Variants in FOXP1 observed in about 807,000 individuals in gnomAD.
FOXP1 encodes forkhead box P1.
A neutral mutation model predicts 98.2 loss-of-function variants in FOXP1; 15 were observed. The observed-to-expected ratio is 0.15, with a 90% confidence interval of 0.10 to 0.24. The LOEUF is 0.24. Among genes scored for constraint, FOXP1 ranks in the 10% least tolerant of loss-of-function variants. The pLI is 1.00. For missense variants in FOXP1, 633 were observed against 848.5 expected (o/e 0.75, Z 3.15); for synonymous variants, 371 against 314.5 (o/e 1.18, Z -1.90).
intron 3 of FOXP1, among the ~76,000 whole-genome samples, chr3:71,419,410 C>T (rs2083462257): frequency 6.6e-6 from 1 of 151,574 alleles, no homozygotes; most frequent in Admixed American, 6.6e-5. Context: ...TTCCCAATAA[C>T]AGCCTCTAAT....
chr3:71,231,293 C>T (rs946163346), intron 5 of FOXP1, among the ~76,000 whole-genome samples: 2 of 152,132 alleles, frequency 1.3e-5, no homozygotes, highest in African/African-American at 4.8e-5. Flanking sequence ...ATAGCACCTG[C>T]AAACATGCTT....
intron 14 of FOXP1, among the ~76,000 whole-genome samples, chr3:70,984,469 AGT>A (rs1360172925): frequency 2.0e-5 from 3 of 152,202 alleles, no homozygotes; most frequent in African/African-American, 7.2e-5. Context: ...ATTCACGGAA[AGT>A]GAGACTGTGT....
intron 6 of FOXP1, among the ~76,000 whole-genome samples, chr3:71,136,165 T>C (rs1010303491): frequency 1.6e-4 from 25 of 152,236 alleles, no homozygotes; most frequent in African/African-American, 4.8e-4. Flanking sequence ...TAAATGCACC[T>C]TTGAAGGTTT....
Position 71,293,876 on chromosome 3 carries a change from C to T in FOXP1, c.-12+5944G>A, listed in dbSNP as rs558611059. 2.6e-5 allele frequency among the ~76,000 whole-genome samples: 4 copies of T among 152,294 alleles called. No individual in the cohort carries two copies. The South Asian group carries it at 8.3e-4, about 32-fold the overall frequency. On this transcript the variant is annotated intron_variant, in intron 5 of 20. Transcript: ENST00000649528. Reference sequence around the variant, plus strand: ...AGCATAAAAAACAGTAATTTTTCCCCAGTTCTGTCCCTTGTAAGAATATTT... The same window carrying T: ...AGCATAAAAAACAGTAATTTTTCCCTAGTTCTGTCCCTTGTAAGAATATTT...
intron 11 of FOXP1, among the ~76,000 whole-genome samples, chr3:71,040,880 T>A (rs1264362227): frequency 6.6e-6 from 1 of 152,144 alleles, no homozygotes; most frequent in Admixed American, 6.6e-5. Flanking sequence ...ATGAAAAACA[T>A]GGGCGCCCAG....
chr3:71,122,431 G>A (rs1302757063), intron 6 of FOXP1, among the ~76,000 whole-genome samples: 2 of 152,110 alleles, frequency 1.3e-5, no homozygotes, highest in African/African-American at 4.8e-5. Context: ...TAGGATGGGG[G>A]GGAATCCTAA....
intron 7 of FOXP1, among the ~76,000 whole-genome samples, chr3:71,089,656 A>C (rs2055571010): frequency 6.6e-6 from 1 of 152,196 alleles, no homozygotes; most frequent in African/African-American, 2.4e-5. Flanking sequence ...ACTACTACCC[A>C]CAGTCCTAGT....
intron 3 of FOXP1, among the ~76,000 whole-genome samples, chr3:71,422,706 G>A (rs1180290975): frequency 6.6e-6 from 1 of 152,218 alleles, no homozygotes; most frequent in African/African-American, 2.4e-5. Context: ...CTCACTGGTA[G>A]TGCTGTACAG....
At chr3:71,568,088 A>G (rs2047052592) in intron 2 of FOXP1, among the ~76,000 whole-genome samples, 1 of 145,386 alleles carries the variant, frequency 6.9e-6, no homozygotes, top group East Asian at 2.1e-4. Context: ...GGGAGGGGAA[A>G]TTAAAAAAAG....
intron 3 of FOXP1, among the ~76,000 whole-genome samples, chr3:71,488,603 A>T (rs1393618451): frequency 1.3e-5 from 2 of 152,234 alleles, no homozygotes; most frequent in African/African-American, 4.8e-5. Flanking sequence ...CTTGGCCCCT[A>T]GCCAGTTAGC....
At chr3:71,448,163 T>A (rs1359753275) in intron 3 of FOXP1, among the ~76,000 whole-genome samples, 1 of 152,136 alleles carries the variant, frequency 6.6e-6, no homozygotes, top group Non-Finnish European at 1.5e-5. Flanking sequence ...TCAATCTTAG[T>A]GACTGACAGA....
chr3:71,271,043 C>T (rs2070298352), intron 5 of FOXP1, among the ~76,000 whole-genome samples: 1 of 152,130 alleles, frequency 6.6e-6, no homozygotes, highest in African/African-American at 2.4e-5. Flanking sequence ...CCAGCTTGGC[C>T]AATATGGTGA....
intron 3 of FOXP1, among the ~76,000 whole-genome samples, chr3:71,446,661 T>C (rs1391724960): frequency 6.6e-6 from 1 of 152,256 alleles, no homozygotes; most frequent in African/African-American, 2.4e-5. Flanking sequence ...AATTCACTCA[T>C]AAGAATTTAA....
chr3:71,023,848 T>C (rs536059077), intron 11 of FOXP1, among the ~76,000 whole-genome samples: 1 of 152,330 alleles, frequency 6.6e-6, no homozygotes, highest in East Asian at 1.9e-4. Context: ...TTAGCTCGAA[T>C]GAAATATGCT....
intron 4 of FOXP1, among the ~76,000 whole-genome samples, chr3:71,336,057 T>C (rs1461916495): frequency 9.1e-6 from 1 of 110,270 alleles, no homozygotes; most frequent in Non-Finnish European, 1.8e-5. Context: ...ACAAGGTGAG[T>C]CTGAAACATT....
chr3:71,073,857 G>C (rs1195985526), intron 7 of FOXP1, among the ~76,000 whole-genome samples: 2 of 152,180 alleles, frequency 1.3e-5, no homozygotes, highest in African/African-American at 4.8e-5. Context: ...CCAGGGCTCA[G>C]TCTCTTGCAT....
chr3:71,040,383 C>T (rs558117185), intron 11 of FOXP1: 1 of 152,148 alleles, frequency 6.6e-6, no homozygotes, highest in Admixed American at 6.5e-5. Context: ...GTTTCTTTAC[C>T]TCTGTGTGTG....
chr3:71,472,542 T>G (rs1025447865), intron 3 of FOXP1, among the ~76,000 whole-genome samples: 27 of 152,104 alleles, frequency 1.8e-4, no homozygotes, highest in African/African-American at 6.5e-4. Context: ...TTCAATGAAG[T>G]AAATGATGCC....
At chr3:71,423,756 A>G (rs887157723) in intron 3 of FOXP1, among the ~76,000 whole-genome samples, 6 of 152,166 alleles carry the variant, frequency 3.9e-5, no homozygotes, top group Admixed American at 3.3e-4. Context: ...CCCTTCAGCA[A>G]CCCTGGCAGG....
Sources: allele counts gnomAD v4.1 joint callset (sites outside exome capture counted in the v4.1 genomes callset), GRCh38; gene constraint gnomAD v4.1.1; transcripts MANE v1.5; gene names NCBI Gene and HGNC (gene_info 2026-07-23, HGNC 2026-07-21).